The following OR52N5 variants were observed in gnomAD, a reference collection of about 807,000 sequenced individuals.
OR52N5 encodes the protein olfactory receptor family 52 subfamily N member 5, also known as olfactory receptor 52N5.
A neutral mutation model predicts 14.1 loss-of-function variants in OR52N5; 10 were observed. The observed-to-expected ratio is 0.71, with a 90% CI of 0.44 to 1.20. OR52N5 has a LOEUF of 1.20. Ranked by LOEUF, OR52N5 falls within the 50% of genes most tolerant of loss-of-function variation. The pLI is 0.00. For missense variants in OR52N5, 361 were observed against 403.2 expected, an observed-to-expected ratio of 0.90 and a Z score of 0.90; for synonymous variants, 116 against 143.0, an observed-to-expected ratio of 0.81 and a Z score of 1.35.
At position 5,777,149 on chromosome 11, in the gene OR52N5, AAAGAT is replaced by A. The variant is rs1332250295; in HGVS notation, c.*506_*510del. On this transcript the variant is annotated 3_prime_UTR_variant, in exon 3 of 3. Coordinates refer to ENST00000641181, the MANE Select transcript of OR52N5 (RefSeq NM_001385662.1). The stretch of plus-strand genomic sequence containing the variant: ...AATTTGAATGTTTCCAATAAAAAGA[AAAGAT>A]AAATGTTTGAGGTGATGGATATTCT... 1 of 139,980 alleles carries A rather than the reference AAAGAT, an allele frequency of 7.1e-6. No individual in the cohort carries two copies. Among genetic ancestry groups the A allele is most frequent in the African/African-American group, 2.6e-5 (1 of 37,868 alleles). The allele number at this position is 139,980 out of a possible 1,614,324, so 8.7% of individuals were successfully genotyped here. A position where few individuals can be genotyped will look rare whatever the true frequency, so the allele number is the denominator to read the frequency against.
chr11:5,782,232 G>A lies in OR52N5; in HGVS notation c.-247-476C>T, dbSNP rs554369848. ...AAAAAATATATATATATTATCGACT[G>A]TATCTGTGCCAGGCAATGTATCCTT... On this transcript the variant is annotated intron_variant, in intron 1 of 2. Coordinates refer to ENST00000641181, the MANE Select transcript of OR52N5 (RefSeq NM_001385662.1). 2.0e-3 allele frequency among the ~76,000 whole-genome samples: 278 copies of A among 139,238 alleles called. 48 individuals are homozygous for A. Among genetic ancestry groups the A allele is most frequent in the Non-Finnish European group, 3.8e-3 (243 of 63,152 alleles). The allele number at this position is 139,238 out of a possible 152,430, so 91.3% of individuals were successfully genotyped here.
chr11:5,777,458 G>T lies in OR52N5; in HGVS notation c.*202C>A. The T allele has an allele frequency of 5.9e-6, 2 of 337,780 alleles. No individual in the cohort carries two copies. Among genetic ancestry groups the T allele is most frequent in the Non-Finnish European group, 5.2e-6 (1 of 191,832 alleles). 20.9% of individuals were successfully genotyped at this position (337,780 alleles called of 1,614,324 possible). ...AGTTAAACTCATTTTTTAAAAACTG[G>T]CAATAGACAAAAATTAAGGGAAAGG... is the stretch of plus-strand genomic sequence containing the variant. On this transcript the variant is annotated 3_prime_UTR_variant, in exon 3 of 3. Transcript: ENST00000641181.
chr11:5,780,191 A>G lies in OR52N5; in HGVS notation c.-24+1342T>C, dbSNP rs1446149320. ...CAAATTCCTTGGTATGACATTTAATAAAAGGAAATTTAGGTCTTATCTTTT... is the reference window on the plus strand; with the variant it reads ...CAAATTCCTTGGTATGACATTTAATGAAAGGAAATTTAGGTCTTATCTTTT... On this transcript the variant is annotated intron_variant, in intron 2 of 2. Transcript: ENST00000641181. Among the ~76,000 whole-genome samples, 4 of 140,090 alleles carry G rather than the reference A, an allele frequency of 2.9e-5. 1 individual carries two copies. The East Asian group carries it at 8.2e-4, about 29-fold the overall frequency. The allele number at this position is 140,090 out of a possible 152,430, so 91.9% of individuals were successfully genotyped here. A position where few individuals can be genotyped will look rare whatever the true frequency, so the allele number is the denominator to read the frequency against.
rs934290270 is a variant in OR52N5 at position 5,779,508 on chromosome 11, C to G, written c.-23-851G>C. 1.4e-5 allele frequency among the ~76,000 whole-genome samples: 2 copies of G among 139,204 alleles called. 1 individual carries two copies. The highest frequency in any genetic ancestry group is 3.2e-5 in the Non-Finnish European group (2 of 62,978). 91.3% of individuals were successfully genotyped at this position (139,204 alleles called of 152,430 possible). The stretch of plus-strand genomic sequence containing the variant: ...CCATATCTTCTCTTTTTATATAATT[C>G]TCAAGAAGCATATTATCTAGACTCT... On this transcript the variant is annotated intron_variant, in intron 2 of 2. Coordinates refer to ENST00000641181, the MANE Select transcript of OR52N5 (RefSeq NM_001385662.1).
rs541220414 is a variant in OR52N5 at position 5,776,657 on chromosome 11, T to G, written c.*1003A>C. 102 of 140,462 alleles carry G rather than the reference T, an allele frequency of 7.3e-4. 17 individuals carry two copies. Among genetic ancestry groups the G allele is most frequent in the African/African-American group, 2.4e-3 (92 of 38,522 alleles). 8.7% of individuals were successfully genotyped at this position (140,462 alleles called of 1,614,324 possible). A position where few individuals can be genotyped will look rare whatever the true frequency, so the allele number is the denominator to read the frequency against. ...TTGATTAAAACGGGCAATGTAACTT[T>G]TGTCTTTCTGTGGCTGGCTTATTTC... On this transcript the variant is annotated 3_prime_UTR_variant, in exon 3 of 3. Transcript: ENST00000641181.
intron 1 of OR52N5, among the ~76,000 whole-genome samples, chr11:5,782,384 G>A (rs982126443): frequency 2.9e-5 from 4 of 139,382 alleles, no homozygotes; most frequent in Non-Finnish European, 6.3e-5. Context: ...AAAAGTAATA[G>A]TAGTACTATT....
rs372227128 is a variant in OR52N5 at position 5,778,217 on chromosome 11, G to A, written c.418C>T (p.Arg140Cys). ...DRYVAICYPLRYATTLTNPII... is the reference protein window; with the variant it reads ...DRYVAICYPLCYATTLTNPII... ...GGGTTGGTGAGTGTGGTAGCATAAC[G>A]CAAAGGGTAGCAAATGGCTACATAG... The change falls in exon 3 of 3, where the codon CGT becomes TGT. Residue 140 changes from arginine to cysteine, a missense_variant. Transcript: ENST00000641181. 16 of 1,519,528 alleles carry A rather than the reference G, an allele frequency of 1.1e-5. 3 individuals are homozygous for A. Among genetic ancestry groups the A allele is most frequent in the South Asian group, 8.2e-5 (7 of 85,804 alleles). 94.1% of individuals were successfully genotyped at this position (1,519,528 alleles called of 1,614,324 possible). A position where few individuals can be genotyped will look rare whatever the true frequency, so the allele number is the denominator to read the frequency against.
chr11:5,778,303 A>G lies in OR52N5; in HGVS notation c.332T>C (p.Phe111Ser). The change falls in exon 3 of 3, where the codon TTC (phenylalanine) becomes TCC (serine). Residue 111 changes from phenylalanine (F) to serine (S), a missense_variant. Coordinates refer to ENST00000641181, the MANE Select transcript of OR52N5 (RefSeq NM_001385662.1). ...INFNACLAQM[F>S]FVHGFTGVES... ...CACACCTGTGAACCCATGAACAAAG[A>G]ACATCTGGGCCAAGCAAGCATTGAA... is the stretch of plus-strand genomic sequence containing the variant. 1 of 1,521,196 alleles carries G rather than the reference A, an allele frequency of 6.6e-7. No individual in the cohort carries two copies. The highest frequency in any genetic ancestry group is 9.0e-7 in the Non-Finnish European group (1 of 1,114,754). 94.2% of individuals were successfully genotyped at this position (1,521,196 alleles called of 1,614,324 possible).
Position 5,781,786 on chromosome 11 carries a change from A to T in OR52N5, c.-247-30T>A, listed in dbSNP as rs901496014. 2.8e-5 allele frequency: 4 copies of T among 140,628 alleles called. No individual in the cohort carries two copies. The Admixed American group carries it at 2.9e-4, about 10-fold the overall frequency. The allele number at this position is 140,628 out of a possible 1,614,324, so 8.7% of individuals were successfully genotyped here. A position where few individuals can be genotyped will look rare whatever the true frequency, so the allele number is the denominator to read the frequency against. ...TTACAACAGAAAACAGGCTCCTTTG[A>T]ATTACCACTTTATCCTAACCTCCAG... On this transcript the variant is annotated intron_variant, in intron 1 of 2. Coordinates refer to ENST00000641181, the MANE Select transcript of OR52N5 (RefSeq NM_001385662.1).
chr11:5,778,235 C>T lies in OR52N5; in HGVS notation c.400G>A (p.Ala134Thr). Residue 134 changes from alanine (A) to threonine (T), a missense_variant, in exon 3 of 3, where the codon GCC becomes ACC. Coordinates refer to ENST00000641181, the MANE Select transcript of OR52N5 (RefSeq NM_001385662.1). ...LMLMALDRYV[A>T]ICYPLRYATT... ...GCATAACGCAAAGGGTAGCAAATGGCTACATAGCGGTCTAGAGCCATGAGC... is the reference window on the plus strand; with the variant it reads ...GCATAACGCAAAGGGTAGCAAATGGTTACATAGCGGTCTAGAGCCATGAGC... The T allele has an allele frequency of 1.3e-6, 2 of 1,520,400 alleles. No individual in the cohort carries two copies. Among genetic ancestry groups the T allele is most frequent in the East Asian group, 4.7e-5 (2 of 42,816 alleles). The allele number at this position is 1,520,400 out of a possible 1,614,324, so 94.2% of individuals were successfully genotyped here.
intron 1 of OR52N5, among the ~76,000 whole-genome samples, chr11:5,782,261 C>A (rs574287839): frequency 7.2e-6 from 1 of 139,292 alleles, no homozygotes; most frequent in Non-Finnish European, 1.6e-5. Context: ...TATCCTTTGG[C>A]ACTTAGCAGA....
At position 5,782,150 on chromosome 11, in the gene OR52N5, G is replaced by C. The variant is rs1320155194; in HGVS notation, c.-247-394C>G. ...GACACAAAATGCTGTAATTGAATCTGAATGTCTCAAGTGTATGGACTCCAA... is the reference window on the plus strand; with the variant it reads ...GACACAAAATGCTGTAATTGAATCTCAATGTCTCAAGTGTATGGACTCCAA... On this transcript the variant is annotated intron_variant, in intron 1 of 2. Transcript: ENST00000641181. 1.4e-5 allele frequency among the ~76,000 whole-genome samples: 2 copies of C among 139,842 alleles called. 1 individual carries two copies. The highest frequency in any genetic ancestry group is 5.2e-5 in the African/African-American group (2 of 38,142). The allele number at this position is 139,842 out of a possible 152,430, so 91.7% of individuals were successfully genotyped here. A position where few individuals can be genotyped will look rare whatever the true frequency, so the allele number is the denominator to read the frequency against.
Position 5,783,007 on chromosome 11 carries a change from T to TA in OR52N5, c.-248+287dup, listed in dbSNP as rs888102418. Among the ~76,000 whole-genome samples, 9 of 137,816 alleles carry TA rather than the reference T, an allele frequency of 6.5e-5. 1 individual carries two copies. The highest frequency in any genetic ancestry group is 2.1e-4 in the African/African-American group (8 of 37,752). The allele number at this position is 137,816 out of a possible 152,430, so 90.4% of individuals were successfully genotyped here. On this transcript the variant is annotated intron_variant, in intron 1 of 2. Transcript: ENST00000641181. ...CTGACCCTGGCATTACAGCACATAT[T>TA]AAAAAAAAGAAGAAGAATAAATATA...
rs1353083194 is a variant in OR52N5 at position 5,778,269 on chromosome 11, C to T, written c.366G>A (p.Gly122=). The T allele has an allele frequency of 6.6e-7, 1 of 1,520,662 alleles. No individual in the cohort carries two copies. The highest frequency in any genetic ancestry group is 1.8e-5 in the Admixed American group (1 of 55,458). The allele number at this position is 1,520,662 out of a possible 1,614,324, so 94.2% of individuals were successfully genotyped here. ...GGTCTAGAGCCATGAGCATGAGCAC[C>T]CCAGACTCCACACCTGTGAACCCAT... is the stretch of plus-strand genomic sequence containing the variant. ...FVHGFTGVES[G]VLMLMALDRY... Residue 122 remains glycine, a synonymous_variant, in exon 3 of 3, where the codon GGG becomes GGA. Coordinates refer to ENST00000641181, the MANE Select transcript of OR52N5 (RefSeq NM_001385662.1).
rs1199477260 is a variant in OR52N5 at position 5,779,368 on chromosome 11, T to G, written c.-23-711A>C. 2.9e-5 allele frequency among the ~76,000 whole-genome samples: 4 copies of G among 139,768 alleles called. 1 individual carries two copies. The highest frequency in any genetic ancestry group is 6.3e-5 in the Non-Finnish European group (4 of 63,128). The allele number at this position is 139,768 out of a possible 152,430, so 91.7% of individuals were successfully genotyped here. A position where few individuals can be genotyped will look rare whatever the true frequency, so the allele number is the denominator to read the frequency against. ...TCAAAATGGATATAAAATACAGGAC[T>G]AATGACCATAAATGTCAATCTGATT... is the stretch of plus-strand genomic sequence containing the variant. On this transcript the variant is annotated intron_variant, in intron 2 of 2. Transcript: ENST00000641181.
In OR52N5 at chr11:5,776,590, T is replaced by C. The variant is rs1370032957; in HGVS notation, c.*1070A>G. On this transcript the variant is annotated 3_prime_UTR_variant, in exon 3 of 3. Transcript: ENST00000641181. ...TCAAAGTTTAAGAATATATCCAAGA[T>C]GAATATATTAGATAAAAGTTGTGTG... is the stretch of plus-strand genomic sequence containing the variant. 1.4e-5 allele frequency: 2 copies of C among 140,740 alleles called. 1 individual carries two copies. Among genetic ancestry groups the C allele is most frequent in the Non-Finnish European group, 3.1e-5 (2 of 63,538 alleles). The allele number at this position is 140,740 out of a possible 1,614,324, so 8.7% of individuals were successfully genotyped here. A position where few individuals can be genotyped will look rare whatever the true frequency, so the allele number is the denominator to read the frequency against.
In OR52N5 at chr11:5,778,151, C is replaced by T; in HGVS notation, c.484G>A (p.Val162Ile). The change falls in exon 3 of 3, where the codon GTA becomes ATA. Residue 162 changes from valine (V) to isoleucine (I), a missense_variant. Val to Ile is a conservative substitution (Grantham distance 29). Transcript: ENST00000641181. The part of the protein sequence containing the change: ...KAELATFLRG[V>I]LLMIPFPFLV... ...AATGGGAAAGGAATCATCAGCAATA[C>T]ACCCCTCAGGAAGGTGGCAAGCTCA... 6.6e-7 allele frequency: 1 copy of T among 1,521,310 alleles called. No individual in the cohort carries two copies. The highest frequency in any genetic ancestry group is 9.0e-7 in the Non-Finnish European group (1 of 1,114,670). The allele number at this position is 1,521,310 out of a possible 1,614,324, so 94.2% of individuals were successfully genotyped here.
Position 5,776,542 on chromosome 11 carries a change from A to G in OR52N5, c.*1118T>C, listed in dbSNP as rs1854495157. ...GTTCTATAGGAAAGATTATCAACAT[A>G]GACAAGACACTTAAGGACTCTTTCA... On this transcript the variant is annotated 3_prime_UTR_variant, in exon 3 of 3. Coordinates refer to ENST00000641181, the MANE Select transcript of OR52N5 (RefSeq NM_001385662.1). 1.4e-5 allele frequency: 2 copies of G among 140,866 alleles called. 1 individual carries two copies. The highest frequency in any genetic ancestry group is 3.1e-5 in the Non-Finnish European group (2 of 63,606). The allele number at this position is 140,866 out of a possible 1,614,324, so 8.7% of individuals were successfully genotyped here.
In OR52N5 at chr11:5,780,561, TAAAATG is replaced by T. The variant is rs1467786159; in HGVS notation, c.-24+966_-24+971del. ...GGAAAAAAGAGAAAACTCAAATAAA[TAAAATG>T]AAAATGAAAAAGGAGACATTACAAC... On this transcript the variant is annotated intron_variant, in intron 2 of 2. Transcript: ENST00000641181. Among the ~76,000 whole-genome samples the T allele has an allele frequency of 1.5e-5, 2 of 137,594 alleles. 1 individual carries two copies. The highest frequency in any genetic ancestry group is 4.2e-4 in the East Asian group (2 of 4,766). 90.3% of individuals were successfully genotyped at this position (137,594 alleles called of 152,430 possible). A position where few individuals can be genotyped will look rare whatever the true frequency, so the allele number is the denominator to read the frequency against.
Sources: gnomAD v4.1 joint callset for allele counts (sites outside exome capture counted in the v4.1 genomes callset) on GRCh38, gnomAD v4.1.1 for gene constraint, MANE v1.5 for transcripts, NCBI Gene and HGNC (gene_info 2026-07-23, HGNC 2026-07-21) for gene names.